Variants in RABGAP1L observed in about 807,000 individuals in gnomAD.
RABGAP1L encodes rab GTPase-activating protein 1-like.
RABGAP1L carries 63 observed loss-of-function variants against 137.7 expected under a neutral mutation model. That is an observed-to-expected ratio of 0.46 (90% CI 0.37 to 0.56). The LOEUF is 0.56. Ranked by LOEUF, RABGAP1L falls within the 20% of genes least tolerant of loss-of-function variation. The probability of loss-of-function intolerance (pLI) is 0.00; values close to 1 mark genes in which losing one functional copy is unlikely to be tolerated. For synonymous variants in RABGAP1L, 431 were observed against 433.7 expected (o/e 0.99, Z 0.08); for missense variants, 1,095 against 1,244.0 (o/e 0.88, Z 1.80).
At chr1:174,331,316 C>T (rs969389716) in intron 11 of RABGAP1L, among the ~76,000 whole-genome samples, 2 of 152,086 alleles carry the variant, frequency 1.3e-5, no homozygotes, top group African/African-American at 4.8e-5. Flanking sequence ...ATAAGAGCAA[C>T]AAAAGCAAAC....
Position 174,219,292 on chromosome 1 carries a change from G to A in RABGAP1L, c.135G>A (p.Leu45=). 1 of 1,551,014 alleles carries A rather than the reference G, an allele frequency of 6.4e-7. No individual in the cohort carries two copies. The highest frequency in any genetic ancestry group is 8.7e-7 in the Non-Finnish European group (1 of 1,147,766). The change falls in exon 2 of 26, where the codon CTG becomes CTA. Residue 45 remains leucine, a synonymous_variant. Transcript: ENST00000681986. ...NSTKHEEKPQ[L]KIVSNGDEQL... ...CAAAACATGAAGAAAAACCTCAACT[G>A]AAGGTATTTTTTTCTTTTCTACATA...
intron 14 of RABGAP1L, among the ~76,000 whole-genome samples, chr1:174,661,079 T>G (rs749262286): frequency 5.9e-5 from 9 of 152,178 alleles, no homozygotes; most frequent in Non-Finnish European, 1.0e-4. Context: ...GTTAAGTGAT[T>G]CTAGTAAATG....
chr1:174,911,679 A>G (rs1660078700), intron 19 of RABGAP1L, among the ~76,000 whole-genome samples: 1 of 152,228 alleles, frequency 6.6e-6, no homozygotes, highest in Non-Finnish European at 1.5e-5. Context: ...TGAACCTATG[A>G]TTCTTCTAAG....
chr1:174,836,306 ACTTT>A lies in RABGAP1L; in HGVS notation c.2340+24353_2340+24356del, dbSNP rs1307746022. ...GTATGAGAGAGGAGTTGAAGGATATACTTTCTTTCTATGCTCCATATCAGATAAT... is the reference window on the plus strand; with the variant it reads ...GTATGAGAGAGGAGTTGAAGGATATACTTTCTATGCTCCATATCAGATAAT... On this transcript the variant is annotated intron_variant, in intron 19 of 25. Transcript: ENST00000681986. 3.3e-5 allele frequency among the ~76,000 whole-genome samples: 5 copies of A among 152,256 alleles called. No individual in the cohort carries two copies. In the South Asian group the frequency reaches 8.3e-4, roughly 25 times the overall value.
intron 1 of RABGAP1L, among the ~76,000 whole-genome samples, chr1:174,176,736 A>AT (rs1336706741): frequency 1.5e-4 from 12 of 82,740 alleles, no homozygotes; most frequent in African/African-American, 4.4e-4. Flanking sequence ...AAAAAAAAAA[A>AT]AAAAAAAAAA....
intron 14 of RABGAP1L, among the ~76,000 whole-genome samples, chr1:174,669,120 G>A (rs1676997131): frequency 6.6e-6 from 1 of 152,156 alleles, no homozygotes; most frequent in Non-Finnish European, 1.5e-5. Flanking sequence ...GTGGGGAGGT[G>A]TCAGGAAATT....
At chr1:174,165,446 G>A (rs912364726) in intron 1 of RABGAP1L, among the ~76,000 whole-genome samples, 7 of 151,836 alleles carry the variant, frequency 4.6e-5, no homozygotes, top group Non-Finnish European at 1.0e-4. Context: ...CACCGTGCCC[G>A]GTCTACTTTT....
rs146068322 is a variant in RABGAP1L at position 174,971,056 on chromosome 1, A to G, written c.2544+1669A>G. Among the ~76,000 whole-genome samples the G allele has an allele frequency of 8.0e-4, 121 of 152,098 alleles. 1 individual carries two copies. Among genetic ancestry groups the G allele is most frequent in the African/African-American group, 2.7e-3 (113 of 41,554 alleles). Reference sequence around the variant, plus strand: ...ATACCTAGATAGGGAAGAAGCCCACAAGGAAATACATCAAAATGTTACTGC... The same window carrying G: ...ATACCTAGATAGGGAAGAAGCCCACGAGGAAATACATCAAAATGTTACTGC... On this transcript the variant is annotated intron_variant, in intron 21 of 25. Transcript: ENST00000681986.
chr1:174,870,991 G>A (rs895089370), intron 19 of RABGAP1L, among the ~76,000 whole-genome samples: 4 of 151,872 alleles, frequency 2.6e-5, no homozygotes, highest in Non-Finnish European at 5.9e-5. Context: ...CACCCACCTC[G>A]GCCTCCCAAA....
intron 1 of RABGAP1L, among the ~76,000 whole-genome samples, chr1:174,183,803 T>C (rs997510004): frequency 1.3e-5 from 2 of 152,044 alleles, no homozygotes; most frequent in Non-Finnish European, 2.9e-5. Context: ...CTTGCCTCAA[T>C]ACTTTTGCCT....
chr1:174,988,567 G>A (rs1389016387), intron 24 of RABGAP1L, 74 bp from the exon 25 acceptor site: 6 of 1,279,150 alleles, frequency 4.7e-6, no homozygotes, highest in Middle Eastern at 2.0e-4. Flanking sequence ...ATCTAAAAAA[G>A]TCATAAATTG....
chr1:174,812,538 T>G (rs1348125107), intron 19 of RABGAP1L, among the ~76,000 whole-genome samples: 3 of 152,258 alleles, frequency 2.0e-5, no homozygotes, highest in African/African-American at 7.2e-5. Flanking sequence ...ACCAATTTAC[T>G]GATGTTAATT....
intron 15 of RABGAP1L, among the ~76,000 whole-genome samples, chr1:174,687,618 G>A (rs1678578524): frequency 6.6e-6 from 1 of 152,112 alleles, no homozygotes; most frequent in African/African-American, 2.4e-5. Flanking sequence ...AATACGGACT[G>A]GTTTAAACAA....
intron 18 of RABGAP1L, among the ~76,000 whole-genome samples, chr1:174,768,250 C>T (rs912999065): frequency 6.6e-6 from 1 of 152,326 alleles, no homozygotes; most frequent in East Asian, 1.9e-4. Flanking sequence ...GGAGAGGGCC[C>T]TCCTCCCCAG....
chr1:174,350,083 G>A (rs1470569254), intron 11 of RABGAP1L, among the ~76,000 whole-genome samples: 2 of 138,878 alleles, frequency 1.4e-5, no homozygotes, highest in African/African-American at 5.4e-5. Context: ...TGGCTGGGCG[G>A]GGGGCTGACC....
Position 174,817,871 on chromosome 1 carries a change from A to G in RABGAP1L, c.2340+5911A>G, listed in dbSNP as rs570457111. ...TCAAGACATAAAATTAACAGATTTTAGTGATTACATGTGAGCCTCAGGGCA... is the reference window on the plus strand; with the variant it reads ...TCAAGACATAAAATTAACAGATTTTGGTGATTACATGTGAGCCTCAGGGCA... On this transcript the variant is annotated intron_variant, in intron 19 of 25. Coordinates refer to ENST00000681986, the MANE Select transcript of RABGAP1L (RefSeq NM_001366446.1). 2.6e-5 allele frequency among the ~76,000 whole-genome samples: 4 copies of G among 152,344 alleles called. No homozygotes were observed. In the East Asian group the frequency reaches 7.7e-4, roughly 29 times the overall value.
At chr1:174,500,193 C>T (rs1404727783) in intron 13 of RABGAP1L, among the ~76,000 whole-genome samples, 5 of 151,956 alleles carry the variant, frequency 3.3e-5, no homozygotes, top group African/African-American at 1.2e-4. Flanking sequence ...GATTCTCCTG[C>T]CTCAGCTTTC....
chr1:174,610,650 A>G (rs1268349662), intron 13 of RABGAP1L, among the ~76,000 whole-genome samples: 1 of 152,170 alleles, frequency 6.6e-6, no homozygotes, highest in South Asian at 2.1e-4. Flanking sequence ...ACAATGGTTG[A>G]ACTAGATTAC....
chr1:174,249,467 A>T (rs1289756920), intron 5 of RABGAP1L, among the ~76,000 whole-genome samples: 2 of 152,198 alleles, frequency 1.3e-5, no homozygotes, highest in Non-Finnish European at 2.9e-5. Flanking sequence ...GGATACATTC[A>T]ATTTCTTGTA....
Sources: gnomAD v4.1 joint callset for allele counts (sites outside exome capture counted in the v4.1 genomes callset) on GRCh38, gnomAD v4.1.1 for gene constraint, MANE v1.5 for transcripts, NCBI Gene and HGNC (gene_info 2026-07-23, HGNC 2026-07-21) for gene names.